The following ADAMTS12 variants were observed in gnomAD, a reference collection of about 807,000 sequenced individuals.
The protein encoded by ADAMTS12 is ADAM metallopeptidase with thrombospondin type 1 motif 12.
ADAMTS12 carries 118 observed loss-of-function variants against 167.8 expected under a neutral mutation model. The ratio of observed to expected loss-of-function variants is 0.70; its 90% confidence interval spans 0.61 to 0.82. The LOEUF is 0.82. Ranked by LOEUF, ADAMTS12 falls within the 40% of genes least tolerant of loss-of-function variation. The probability of loss-of-function intolerance (pLI) is 0.00; values close to 1 mark genes in which losing one functional copy is unlikely to be tolerated. For synonymous variants in ADAMTS12, 704 were observed against 716.9 expected, an observed-to-expected ratio of 0.98 and a Z score of 0.29; for missense variants, 1,916 against 1,998.8, an observed-to-expected ratio of 0.96 and a Z score of 0.79.
rs149196401 is a variant in ADAMTS12, at chr5:33,632,205, A to G, written c.1889-1292T>C. Reference sequence around the variant, plus strand: ...ATTGAGAGCTAAACATTGGATACCCATAGAGATAAAGATGGAGATAGACTC... The same window carrying G: ...ATTGAGAGCTAAACATTGGATACCCGTAGAGATAAAGATGGAGATAGACTC... On this transcript the variant is annotated intron_variant, in intron 12 of 23. Transcript: ENST00000504830. Among the ~76,000 whole-genome samples, 367 of 152,270 alleles carry G rather than the reference A, an allele frequency of 2.4e-3. 3 individuals carry two copies. The highest frequency in any genetic ancestry group is 8.4e-3 in the African/African-American group (350 of 41,566).
chr5:33,767,916 A>AT (rs1215014411), intron 2 of ADAMTS12, among the ~76,000 whole-genome samples: 3 of 152,234 alleles, frequency 2.0e-5, no homozygotes, highest in Admixed American at 2.0e-4. Flanking sequence ...TGTCTTTCAA[A>AT]TCTGTAAAGT....
At chr5:33,534,339 A>C (rs942584632) in intron 23 of ADAMTS12, among the ~76,000 whole-genome samples, 1 of 151,612 alleles carries the variant, frequency 6.6e-6, no homozygotes, top group Non-Finnish European at 1.5e-5. Flanking sequence ...AGCTTTCTCC[A>C]CTCCCTTAAT....
intron 2 of ADAMTS12, among the ~76,000 whole-genome samples, chr5:33,828,634 C>T (rs1561294665): frequency 1.3e-5 from 2 of 152,074 alleles, no homozygotes; most frequent in South Asian, 2.1e-4. Context: ...GTCCTTAATC[C>T]ACCTAGGGTC....
chr5:33,764,918 TACAA>T (rs149452110), intron 2 of ADAMTS12, among the ~76,000 whole-genome samples: 1,865 of 152,026 alleles, frequency 0.012, 33 homozygotes, highest in African/African-American at 0.043. Context: ...CCAAGATGCC[TACAA>T]ACAGTTTAAA....
In ADAMTS12 at chr5:33,615,970, TCAGGATCTTCACTCCTGATGGC is replaced by T. The variant is rs757324547; in HGVS notation, c.2224_2245del (p.Ala742LysfsTer5). On this transcript the variant is annotated frameshift_variant, in exon 15 of 24. Transcript: ENST00000504830. LOFTEE classifies it high-confidence loss of function. ...AAACCCTCCATTCAGGTAATATTTTTCAGGATCTTCACTCCTGATGGCCAGGAAGTTTCCAGCTCCCTCAATT... is the reference window on the plus strand; with the variant it reads ...AAACCCTCCATTCAGGTAATATTTTTCAGGAAGTTTCCAGCTCCCTCAATT... 1.2e-6 allele frequency: 2 copies of T among 1,614,188 alleles called. No individual in the cohort carries two copies. Among genetic ancestry groups the T allele is most frequent in the Admixed American group, 3.3e-5 (2 of 60,020 alleles).
intron 12 of ADAMTS12, among the ~76,000 whole-genome samples, chr5:33,631,833 A>G (rs983763736): frequency 2.6e-5 from 4 of 152,096 alleles, no homozygotes; most frequent in African/African-American, 9.7e-5. Flanking sequence ...TCTCTTCTGG[A>G]TGTGTTTATT....
chr5:33,534,241 T>G (rs1034033072), intron 23 of ADAMTS12, among the ~76,000 whole-genome samples: 1 of 152,166 alleles, frequency 6.6e-6, no homozygotes, highest in African/African-American at 2.4e-5. Flanking sequence ...GTATAACTTG[T>G]GCTCTGGAGC....
rs138338439 is a variant in ADAMTS12 at position 33,602,598 on chromosome 5, A to G, written c.2528-6538T>C. Among the ~76,000 whole-genome samples, 76 of 152,354 alleles carry G rather than the reference A, an allele frequency of 5.0e-4. 1 individual carries two copies. Among genetic ancestry groups the G allele is most frequent in the African/African-American group, 1.8e-3 (75 of 41,580 alleles). ...TGCACTTTGAAAATGTTAAATAAGT[A>G]TCTGACTCTGAGTTTCCAAAGAAGT... is the stretch of plus-strand genomic sequence containing the variant. On this transcript the variant is annotated intron_variant, in intron 16 of 23. Coordinates refer to ENST00000504830, the MANE Select transcript of ADAMTS12 (RefSeq NM_030955.4).
intron 16 of ADAMTS12, among the ~76,000 whole-genome samples, chr5:33,612,949 G>A (rs1023959301): frequency 3.3e-5 from 5 of 152,118 alleles, no homozygotes; most frequent in African/African-American, 1.2e-4. Flanking sequence ...GGCTTTCTGT[G>A]CTGAAATGGG....
intron 2 of ADAMTS12, among the ~76,000 whole-genome samples, chr5:33,754,701 C>T (rs1420581261): frequency 6.6e-6 from 1 of 152,018 alleles, no homozygotes; most frequent in Admixed American, 6.5e-5. Context: ...ACTAAAACTA[C>T]AAAAATTAGC....
At chr5:33,866,439 A>C (rs1749824831) in intron 2 of ADAMTS12, among the ~76,000 whole-genome samples, 1 of 152,182 alleles carries the variant, frequency 6.6e-6, no homozygotes, top group Non-Finnish European at 1.5e-5. Context: ...CTTATACAAA[A>C]ATCAACTCAA....
At chr5:33,678,497 T>C (rs886786195) in intron 5 of ADAMTS12, among the ~76,000 whole-genome samples, 2 of 152,140 alleles carry the variant, frequency 1.3e-5, no homozygotes, top group African/African-American at 4.8e-5. Flanking sequence ...AACAGAATCT[T>C]ACTAGGAAAG....
In ADAMTS12 at chr5:33,739,467, G is replaced by A. The variant is rs557042606; in HGVS notation, c.634+11937C>T. On this transcript the variant is annotated intron_variant, in intron 3 of 23. Coordinates refer to ENST00000504830, the MANE Select transcript of ADAMTS12 (RefSeq NM_030955.4). ...ACATTTCAGAAGAAACTATGTGTAT[G>A]TGTATGTGCATGTGCATGCATGTGT... 2.0e-5 allele frequency among the ~76,000 whole-genome samples: 3 copies of A among 152,322 alleles called. No individual in the cohort carries two copies. The East Asian group carries it at 5.8e-4, about 29-fold the overall frequency.
At chr5:33,847,352 G>A (rs4866392) in intron 2 of ADAMTS12, among the ~76,000 whole-genome samples, 33,455 of 152,178 alleles carry the variant, frequency 0.22, 4,263 homozygotes, top group Middle Eastern at 0.3. Flanking sequence ...GCCAGGCACT[G>A]TGGCTCACGC....
chr5:33,850,177 G>A lies in ADAMTS12; in HGVS notation c.489+30942C>T, dbSNP rs373624602. Among the ~76,000 whole-genome samples the A allele has an allele frequency of 9.7e-4, 148 of 152,204 alleles. 1 individual carries two copies. The South Asian group carries it at 0.03, about 31-fold the overall frequency. On this transcript the variant is annotated intron_variant, in intron 2 of 23. Transcript: ENST00000504830. The stretch of plus-strand genomic sequence containing the variant: ...ACTGTGACCCACCCTTACCACGAGC[G>A]TCTAATGGTCCGTCACCTGCACATC...
intron 22 of ADAMTS12, among the ~76,000 whole-genome samples, chr5:33,536,322 G>T (rs563347004): frequency 6.6e-6 from 1 of 152,076 alleles, no homozygotes; most frequent in African/African-American, 2.4e-5. Flanking sequence ...TGGCACACTC[G>T]CTAAGTCAAC....
At chr5:33,604,795 T>A (rs185862212) in intron 16 of ADAMTS12, among the ~76,000 whole-genome samples, 1 of 151,748 alleles carries the variant, frequency 6.6e-6, no homozygotes, top group South Asian at 2.1e-4. Flanking sequence ...GTGGGGTGCA[T>A]ACAGACAGAA....
intron 3 of ADAMTS12, among the ~76,000 whole-genome samples, chr5:33,742,896 A>G (rs1467185371): frequency 6.6e-6 from 1 of 152,252 alleles, no homozygotes; most frequent in Non-Finnish European, 1.5e-5. Flanking sequence ...TGGAAGACAG[A>G]CAATAAACCA....
chr5:33,630,493 G>A (rs1455425149), intron 13 of ADAMTS12, among the ~76,000 whole-genome samples: 1 of 152,102 alleles, frequency 6.6e-6, no homozygotes. Context: ...ATCTGGGCTG[G>A]GTTTTCCTGA....
Sources: allele counts gnomAD v4.1 joint callset (sites outside exome capture counted in the v4.1 genomes callset), GRCh38; gene constraint gnomAD v4.1.1; transcripts MANE v1.5; gene names NCBI Gene and HGNC (gene_info 2026-07-23, HGNC 2026-07-21).